Variants in MACF1 observed in about 807,000 individuals in gnomAD.
MACF1 encodes the protein microtubule-actin cross-linking factor 1.
In MACF1, 193 loss-of-function variants were observed where a neutral mutation model predicts 854.8. The ratio of observed to expected loss-of-function variants is 0.23; its 90% CI spans 0.20 to 0.25. MACF1 has a LOEUF of 0.25. Ranked by LOEUF, MACF1 falls within the 10% of genes least tolerant of loss-of-function variation. The pLI is 1.00. For missense variants in MACF1, 7,722 were observed against 8,929.1 expected (o/e 0.86, Z 5.45); for synonymous variants, 3,185 against 3,226.7 (o/e 0.99, Z 0.44).
chr1:39,391,862 C>T (rs1642047557), intron 58 of MACF1, among the ~76,000 whole-genome samples: 1 of 152,212 alleles, frequency 6.6e-6, no homozygotes, highest in Non-Finnish European at 1.5e-5. Context: ...AAGCCTTCCA[C>T]CTCAGATACT....
At position 39,331,586 on chromosome 1, in the gene MACF1, T is replaced by C. The variant is rs768077034; in HGVS notation, c.4998T>C (p.Ser1666=). 1.2e-6 allele frequency: 2 copies of C among 1,614,074 alleles called. No homozygotes were observed. The highest frequency in any genetic ancestry group is 1.3e-5 in the African/African-American group (1 of 74,942). ...LATGGFSLSP[S]ENCINLEEAF... ...CTGGAGGTTTCAGTCTTTCCCCTAGTGAGAACTGTATTAACCTGGAAGAGG... is the reference window on the plus strand; with the variant it reads ...CTGGAGGTTTCAGTCTTTCCCCTAGCGAGAACTGTATTAACCTGGAAGAGG... The change falls in exon 37 of 101, where the codon AGT becomes AGC. Residue 1666 remains serine (S), a synonymous_variant. Transcript: ENST00000564288.
At chr1:39,321,615 T>C (rs1646516918) in intron 31 of MACF1, among the ~76,000 whole-genome samples, 1 of 152,190 alleles carries the variant, frequency 6.6e-6, no homozygotes, top group Admixed American at 6.5e-5. Flanking sequence ...TATGGAAAAT[T>C]AGCGGTGAGA....
intron 2 of MACF1, among the ~76,000 whole-genome samples, chr1:39,171,305 T>C (rs1000191489): frequency 6.6e-6 from 1 of 151,970 alleles, no homozygotes; most frequent in Non-Finnish European, 1.5e-5. Flanking sequence ...TCATTGTAAG[T>C]ACTTTAAAGT....
chr1:39,474,924 G>A (rs1458960401), intron 97 of MACF1, among the ~76,000 whole-genome samples: 1 of 152,178 alleles, frequency 6.6e-6, no homozygotes, highest in African/African-American at 2.4e-5. Context: ...ATGAACAGAA[G>A]TGTCAACAGC....
chr1:39,121,425 G>A (rs1037990390), intron 2 of MACF1, among the ~76,000 whole-genome samples: 20 of 152,126 alleles, frequency 1.3e-4, no homozygotes, highest in East Asian at 1.9e-4. Flanking sequence ...ACTATATGCC[G>A]GGTATTTTGT....
At chr1:39,190,342 G>A (rs1431590675) in intron 2 of MACF1, among the ~76,000 whole-genome samples, 1 of 95,292 alleles carries the variant, frequency 1.0e-5, no homozygotes, top group Non-Finnish European at 2.2e-5. Context: ...CTCTTTTCTT[G>A]TCTTTTCTTT....
intron 37 of MACF1, 122 bp downstream of exon 37, chr1:39,336,775 A>G: frequency 1.1e-6 from 1 of 914,002 alleles, no homozygotes; most frequent in East Asian, 2.7e-5. Context: ...TTAAGGCACT[A>G]GATGATTCTC....
rs373747407 is a variant in MACF1, at chr1:39,418,162, A to G, written c.15817-4212A>G. 1.6e-4 allele frequency among the ~76,000 whole-genome samples: 24 copies of G among 152,262 alleles called. No homozygotes were observed. The South Asian group carries it at 4.3e-3, about 28-fold the overall frequency. On this transcript the variant is annotated intron_variant, in intron 58 of 100. Transcript: ENST00000564288. ...GTGGCTTCTGTGTTGGGGCTGAGGG[A>G]GTTATCAAGGGTGACTTTTAGGTTC...
rs188277763 is a variant in MACF1, at chr1:39,282,116, G to A, written c.529-92G>A. ...AAAGTGCTTCCAGCCTTGGACCTTCGTTTTACTAAGAGCCATAATGTATGG... is the reference window on the plus strand; with the variant it reads ...AAAGTGCTTCCAGCCTTGGACCTTCATTTTACTAAGAGCCATAATGTATGG... On this transcript the variant is annotated intron_variant, in intron 6 of 100. Transcript: ENST00000564288. 5,153 of 1,369,028 alleles carry A rather than the reference G, an allele frequency of 3.8e-3. 36 individuals carry two copies. The highest frequency in any genetic ancestry group is 3.8e-3 in the Non-Finnish European group (3,863 of 1,005,192). The allele number at this position is 1,369,028 out of a possible 1,614,324, so 84.8% of individuals were successfully genotyped here. A position where few individuals can be genotyped will look rare whatever the true frequency, so the allele number is the denominator to read the frequency against.
intron 2 of MACF1, among the ~76,000 whole-genome samples, chr1:39,187,602 T>C (rs1444622476): frequency 1.3e-5 from 2 of 152,212 alleles, no homozygotes; most frequent in African/African-American, 4.8e-5. Flanking sequence ...GGGAGGTAAA[T>C]GTTTTTGAGA....
At chr1:39,477,132 A>ACACTTAGTG in intron 97 of MACF1, among the ~76,000 whole-genome samples, 1 of 17,168 alleles carries the variant, frequency 5.8e-5, no homozygotes, top group Admixed American at 8.4e-4. Flanking sequence ...ATATATATAT[A>ACACTTAGTG]TATACACACA....
intron 16 of MACF1, 77 bp from the exon 17 acceptor site, chr1:39,292,689 T>G (rs2148401015): frequency 1.0e-6 from 1 of 1,001,810 alleles, no homozygotes; most frequent in Non-Finnish European, 1.5e-6. Context: ...GACATAATAT[T>G]TGCATAGTTG....
intron 95 of MACF1, among the ~76,000 whole-genome samples, chr1:39,467,473 G>A (rs1644694579): frequency 6.6e-6 from 1 of 152,226 alleles, no homozygotes; most frequent in African/African-American, 2.4e-5. Context: ...TGTTTGTTTT[G>A]GAAACTCTGC....
chr1:39,181,691 C>T (rs927841199), intron 2 of MACF1, among the ~76,000 whole-genome samples: 7 of 152,078 alleles, frequency 4.6e-5, no homozygotes, highest in Admixed American at 3.9e-4. Context: ...CAGGATGGTA[C>T]TGGCATAGGG....
chr1:39,307,274 C>CT (rs61669778), intron 23 of MACF1, among the ~76,000 whole-genome samples: 9 of 147,370 alleles, frequency 6.1e-5, no homozygotes, highest in Middle Eastern at 3.5e-3. Context: ...CATTCTTTCT[C>CT]TTTTTTTTTT....
chr1:39,140,145 G>A (rs867907003), intron 2 of MACF1, among the ~76,000 whole-genome samples: 2 of 151,952 alleles, frequency 1.3e-5, no homozygotes, highest in Non-Finnish European at 2.9e-5. Flanking sequence ...TGTAGAGATG[G>A]GGTCTCACTG....
At chr1:39,304,761 A>T in intron 23 of MACF1, 1 of 325,192 alleles carries the variant, frequency 3.1e-6, no homozygotes, top group Non-Finnish European at 5.9e-6. Context: ...ACGGAGTTTC[A>T]CCATGTTAGC....
At chr1:39,269,978 A>G (rs1645285191) in intron 6 of MACF1, among the ~76,000 whole-genome samples, 1 of 152,176 alleles carries the variant, frequency 6.6e-6, no homozygotes, top group Non-Finnish European at 1.5e-5. Context: ...ATCTGGTGGG[A>G]TGATCTCTCA....
At chr1:39,383,952 A>G (rs1440565064) in intron 56 of MACF1, among the ~76,000 whole-genome samples, 1 of 152,112 alleles carries the variant, frequency 6.6e-6, no homozygotes, top group African/African-American at 2.4e-5. Context: ...CTGCTTCTGC[A>G]TATCTGTTAC....
Sources: allele counts gnomAD v4.1 joint callset (sites outside exome capture counted in the v4.1 genomes callset), GRCh38; gene constraint gnomAD v4.1.1; transcripts MANE v1.5; gene names NCBI Gene and HGNC (gene_info 2026-07-23, HGNC 2026-07-21).